ZNF527: variants seen among roughly 807,000 people sequenced by gnomAD.
ZNF527 encodes the protein zinc finger protein 527.
Under a neutral mutation model 13.5 loss-of-function variants are expected in ZNF527, and 5 were observed. The ratio of observed to expected loss-of-function variants is 0.37; its 90% CI spans 0.19 to 0.78. The LOEUF is 0.78. ZNF527 is among the 30% of genes least tolerant of loss of function. ZNF527 has a pLI of 0.48. For missense variants in ZNF527, 628 were observed against 726.4 expected (o/e 0.86, Z 1.56); for synonymous variants, 209 against 243.1 (o/e 0.86, Z 1.30).
chr19:37,375,318 T>TC (rs1262769315), intron 2 of ZNF527, among the ~76,000 whole-genome samples: 24 of 144,002 alleles, frequency 1.7e-4, no homozygotes, highest in East Asian at 4.1e-4. Context: ...TTCTTTTCTT[T>TC]CTTTCTTTCT....
intron 2 of ZNF527, among the ~76,000 whole-genome samples, chr19:37,375,242 TTTTCTTTCTTTCTTTCTTTCTTTC>T (rs772278647): frequency 1.4e-4 from 14 of 97,194 alleles, no homozygotes; most frequent in African/African-American, 4.6e-4. Flanking sequence ...CCTTAGTGTA[TTTTCTTTCTTTCTTTCTTTCTTTC>T]TTTCTTTCTT....
chr19:37,391,399 G>A lies in ZNF527; in HGVS notation c.*1520G>A, dbSNP rs957415581. The A allele has an allele frequency of 2.0e-5, 3 of 151,704 alleles. No homozygotes were observed. Among genetic ancestry groups the A allele is most frequent in the African/African-American group, 4.8e-5 (2 of 41,298 alleles). 9.4% of individuals were successfully genotyped at this position (151,704 alleles called of 1,614,324 possible). On this transcript the variant is annotated 3_prime_UTR_variant, in exon 5 of 5. Coordinates refer to ENST00000436120, the MANE Select transcript of ZNF527 (RefSeq NM_032453.2). ...AGCCTGACCAACATGGAGAAACCCC[G>A]TCTCTACTAAAAATACAAAATTAGC... is the stretch of plus-strand genomic sequence containing the variant.
chr19:37,376,265 G>A (rs1183704535), intron 2 of ZNF527, among the ~76,000 whole-genome samples: 1 of 152,240 alleles, frequency 6.6e-6, no homozygotes, highest in East Asian at 1.9e-4. Context: ...TGGGAGGATC[G>A]CTTGAGCCCA....
chr19:37,373,438 T>C (rs2146802703), intron 1 of ZNF527, among the ~76,000 whole-genome samples: 1 of 152,338 alleles, frequency 6.6e-6, no homozygotes, highest in South Asian at 2.1e-4. Flanking sequence ...AATTTATTTA[T>C]TCATTTATCT....
chr19:37,375,974 T>C (rs1299310701), intron 2 of ZNF527, among the ~76,000 whole-genome samples: 1 of 152,198 alleles, frequency 6.6e-6, no homozygotes, highest in Non-Finnish European at 1.5e-5. Context: ...CATGGAAATA[T>C]TCTTGACAAG....
At position 37,388,470 on chromosome 19, in the gene ZNF527, G is replaced by A. The variant is rs755847404; in HGVS notation, c.421G>A (p.Gly141Arg). The part of the protein sequence containing the change: ...KYKGEFELHQ[G>R]NAERHFMQVT... ...TAAGGGTGAATTTGAGCTACATCAG[G>A]GAAATGCGGAGAGGCATTTCATGCA... The change falls in exon 5 of 5, where the codon GGA becomes AGA. Residue 141 changes from glycine to arginine, a missense_variant. Transcript: ENST00000436120. 1.9e-5 allele frequency: 30 copies of A among 1,613,986 alleles called. No individual in the cohort carries two copies. The highest frequency in any genetic ancestry group is 2.5e-5 in the Non-Finnish European group (29 of 1,180,032).
At position 37,389,410 on chromosome 19, in the gene ZNF527, G is replaced by A. The variant is rs759632113; in HGVS notation, c.1361G>A (p.Arg454His). Residue 454 changes from arginine to histidine, a missense_variant, in exon 5 of 5, where the codon CGC (arginine) becomes CAC (histidine). Around this residue, in one of 3 missense-constraint regions of ZNF527, gnomAD observed 592 missense variants for 678.0 expected, o/e 0.87. Coordinates refer to ENST00000436120, the MANE Select transcript of ZNF527 (RefSeq NM_032453.2). The stretch of plus-strand genomic sequence containing the variant: ...GAATGTGGGAAGACCTTTGGCTATC[G>A]CTCACACCTGAATCAACATCAGAGA... ...CSECGKTFGY[R>H]SHLNQHQRIH... 1.5e-5 allele frequency: 25 copies of A among 1,613,538 alleles called. No homozygotes were observed. Among genetic ancestry groups the A allele is most frequent in the East Asian group, 6.7e-5 (3 of 44,844 alleles).
Position 37,380,317 on chromosome 19 carries a change from G to A in ZNF527, c.201G>A (p.Glu67=). Reference sequence around the variant, plus strand: ...AGCCCAACATGATCTCCTTACTGGAGCAAGGGAAGGAACCGTGGATGGTGG... The same window carrying A: ...AGCCCAACATGATCTCCTTACTGGAACAAGGGAAGGAACCGTGGATGGTGG... ...ISKPNMISLL[E]QGKEPWMVER... The change falls in exon 4 of 5, where the codon GAG becomes GAA. Residue 67 remains glutamate (E), a synonymous_variant. Coordinates refer to ENST00000436120, the MANE Select transcript of ZNF527 (RefSeq NM_032453.2). 2 of 1,614,086 alleles carry A rather than the reference G, an allele frequency of 1.2e-6. No homozygotes were observed. The highest frequency in any genetic ancestry group is 1.7e-6 in the Non-Finnish European group (2 of 1,179,962).
intron 2 of ZNF527, among the ~76,000 whole-genome samples, chr19:37,375,481 C>T (rs1289368398): frequency 6.6e-6 from 1 of 151,266 alleles, no homozygotes; most frequent in Admixed American, 6.6e-5. Flanking sequence ...CCTGCCTCAG[C>T]TTTCCGGGTA....
chr19:37,389,129 C>A lies in ZNF527; in HGVS notation c.1080C>A (p.Cys360Ter). 1 of 1,613,918 alleles carries A rather than the reference C, an allele frequency of 6.2e-7. No individual in the cohort carries two copies. Among genetic ancestry groups the A allele is most frequent in the African/African-American group, 1.3e-5 (1 of 74,952 alleles). ...RIHTGEKPFA[C>*]NECGKAFSRY... The stretch of plus-strand genomic sequence containing the variant: ...ACACTGGAGAGAAACCGTTTGCGTG[C>A]AATGAATGTGGGAAGGCCTTTAGCC... Residue 360 changes from cysteine (C) to a stop codon, truncating the protein, a stop_gained, in exon 5 of 5, where the codon TGC (cysteine) becomes TGA (stop). Transcript: ENST00000436120. LOFTEE classifies it low-confidence loss of function (END_TRUNC).
intron 4 of ZNF527, among the ~76,000 whole-genome samples, chr19:37,384,516 A>G (rs1188375229): frequency 1.3e-5 from 2 of 152,052 alleles, no homozygotes; most frequent in Admixed American, 1.3e-4. Context: ...AAAAAAAACA[A>G]AATGTGTACC....
At position 37,390,900 on chromosome 19, in the gene ZNF527, A is replaced by G. The variant is rs1204153524; in HGVS notation, c.*1021A>G. ...TTATCCTGAGGAGCAACCTTCTGATATAACAAGTTTATGAAAGTTGAATAC... is the reference window on the plus strand; with the variant it reads ...TTATCCTGAGGAGCAACCTTCTGATGTAACAAGTTTATGAAAGTTGAATAC... On this transcript the variant is annotated 3_prime_UTR_variant, in exon 5 of 5. Transcript: ENST00000436120. 1.3e-5 allele frequency: 2 copies of G among 152,360 alleles called. No individual in the cohort carries two copies. Among genetic ancestry groups the G allele is most frequent in the African/African-American group, 4.8e-5 (2 of 41,586 alleles). The allele number at this position is 152,360 out of a possible 1,614,324, so 9.4% of individuals were successfully genotyped here.
At chr19:37,375,097 G>A (rs147127394) in intron 2 of ZNF527, among the ~76,000 whole-genome samples, 1 of 152,294 alleles carries the variant, frequency 6.6e-6, no homozygotes, top group Non-Finnish European at 1.5e-5. Context: ...CCCATTTACT[G>A]AGCTGGAAAG....
At chr19:37,379,308 T>C in intron 3 of ZNF527, 62 bp downstream of exon 3, 1 of 1,515,748 alleles carries the variant, frequency 6.6e-7, no homozygotes, top group South Asian at 1.4e-5. Flanking sequence ...GCTTCCTCTG[T>C]TGAGAATATC....
intron 4 of ZNF527, among the ~76,000 whole-genome samples, chr19:37,382,836 A>G (rs1184388295): frequency 6.6e-6 from 1 of 152,026 alleles, no homozygotes; most frequent in Non-Finnish European, 1.5e-5. Flanking sequence ...CCTCCCGGGT[A>G]GCTGTGACTA....
At chr19:37,373,963 G>A (rs866642480) in intron 1 of ZNF527, among the ~76,000 whole-genome samples, 195 bp from the exon 2 acceptor site, 2 of 152,128 alleles carry the variant, frequency 1.3e-5, no homozygotes, top group Non-Finnish European at 2.9e-5. Context: ...CAGGCTATGC[G>A]TCCTTAATAT....
chr19:37,383,546 T>C (rs1268063271), intron 4 of ZNF527, among the ~76,000 whole-genome samples: 1 of 151,200 alleles, frequency 6.6e-6, no homozygotes, highest in Non-Finnish European at 1.5e-5. Context: ...CTGATTTTTT[T>C]TTTTTTTTTG....
Position 37,389,249 on chromosome 19 carries a change from C to G in ZNF527, c.1200C>G (p.His400Gln), listed in dbSNP as rs779210191. ...ECNKAFRQSA[H>Q]LNQHQRIHTG... ...ATAAAGCCTTCAGACAGAGTGCTCA[C>G]CTTAATCAACATCAGAGGATTCACA... The change falls in exon 5 of 5, where the codon CAC becomes CAG. Residue 400 changes from histidine to glutamine, a missense_variant. By Grantham distance (24) the His-to-Gln change is conservative. Coordinates refer to ENST00000436120, the MANE Select transcript of ZNF527 (RefSeq NM_032453.2). 6.2e-7 allele frequency: 1 copy of G among 1,614,174 alleles called. No individual in the cohort carries two copies. Among genetic ancestry groups the G allele is most frequent in the Non-Finnish European group, 8.5e-7 (1 of 1,180,028 alleles).
Position 37,390,295 on chromosome 19 carries a change from C to T in ZNF527, c.*416C>T, listed in dbSNP as rs147075017. The T allele has an allele frequency of 1.2e-3, 211 of 171,092 alleles. 1 individual carries two copies. Among genetic ancestry groups the T allele is most frequent in the African/African-American group, 4.6e-3 (192 of 41,714 alleles). 10.6% of individuals were successfully genotyped at this position (171,092 alleles called of 1,614,324 possible). On this transcript the variant is annotated 3_prime_UTR_variant, in exon 5 of 5. Coordinates refer to ENST00000436120, the MANE Select transcript of ZNF527 (RefSeq NM_032453.2). ...CCACACGCCTCAGACTCCCAAAGTG[C>T]TGGGATTATGGGCGTGAGCCACCGC... is the stretch of plus-strand genomic sequence containing the variant.
Sources: gnomAD v4.1 joint callset for allele counts (sites outside exome capture counted in the v4.1 genomes callset) on GRCh38, gnomAD v4.1.1 for gene constraint, gnomAD v4.1.1 regional missense constraint, MANE v1.5 for transcripts, NCBI Gene and HGNC (gene_info 2026-07-23, HGNC 2026-07-21) for gene names.